The following FAM222B variants were observed in gnomAD, a reference collection of about 807,000 sequenced individuals.
The protein encoded by FAM222B is protein FAM222B.
FAM222B carries 12 observed loss-of-function variants against 38.0 expected under a neutral mutation model. That is an observed-to-expected ratio of 0.32 (90% CI 0.20 to 0.51). The LOEUF (loss-of-function observed/expected upper bound fraction) is 0.51. Among genes scored for constraint, FAM222B ranks in the 20% least tolerant of loss-of-function variants. FAM222B has a pLI of 0.97. For synonymous variants in FAM222B, 329 were observed against 317.2 expected (o/e 1.04, Z -0.40); for missense variants, 716 against 754.2 (o/e 0.95, Z 0.59).
At chr17:28,832,670 A>T (rs968626978) in intron 1 of FAM222B, among the ~76,000 whole-genome samples, 2 of 152,182 alleles carry the variant, frequency 1.3e-5, no homozygotes, top group African/African-American at 4.8e-5. Flanking sequence ...TGTTTCTCCC[A>T]TCAGGACATA....
chr17:28,854,274 A>T (rs2039207883), intron 1 of FAM222B, among the ~76,000 whole-genome samples: 1 of 152,218 alleles, frequency 6.6e-6, no homozygotes, highest in Non-Finnish European at 1.5e-5. Context: ...TAGAGGCTAC[A>T]AAGGATGAAG....
chr17:28,795,173 G>A (rs2036881096), intron 1 of FAM222B, among the ~76,000 whole-genome samples: 1 of 150,864 alleles, frequency 6.6e-6, no homozygotes, highest in Admixed American at 6.6e-5. Context: ...TTTTCTTTTT[G>A]AGACAGTCCT....
At chr17:28,790,731 G>A (rs2036621978) in intron 1 of FAM222B, among the ~76,000 whole-genome samples, 2 of 152,004 alleles carry the variant, frequency 1.3e-5, no homozygotes, top group African/African-American at 4.8e-5. Context: ...CAGTTGTATT[G>A]TGGTAAAGTT....
At chr17:28,774,856 C>A (rs1191596140) in intron 1 of FAM222B, among the ~76,000 whole-genome samples, 1 of 151,660 alleles carries the variant, frequency 6.6e-6, no homozygotes, top group Non-Finnish European at 1.5e-5. Context: ...GCAAGAGAAT[C>A]GCTTGAACTC....
chr17:28,758,181 G>A lies in FAM222B; in HGVS notation c.*89C>T. The A allele has an allele frequency of 8.8e-7, 1 of 1,141,922 alleles. No homozygotes were observed. The highest frequency in any genetic ancestry group is 2.4e-5 in the East Asian group (1 of 41,494). The allele number at this position is 1,141,922 out of a possible 1,614,324, so 70.7% of individuals were successfully genotyped here. On this transcript the variant is annotated 3_prime_UTR_variant, in exon 3 of 3. Transcript: ENST00000581407. ...ATCTAAGAATGATCACACTGGAGCAGTGAAACTTTGAAACTATCCAGTTAC... is the reference window on the plus strand; with the variant it reads ...ATCTAAGAATGATCACACTGGAGCAATGAAACTTTGAAACTATCCAGTTAC...
intron 1 of FAM222B, among the ~76,000 whole-genome samples, chr17:28,797,447 A>C (rs1321471791): frequency 6.6e-6 from 1 of 152,228 alleles, no homozygotes; most frequent in Admixed American, 6.5e-5. Flanking sequence ...TTTTAAGTGA[A>C]CATAAAGAAC....
chr17:28,789,096 A>G (rs1383299369), intron 1 of FAM222B, among the ~76,000 whole-genome samples: 1 of 151,176 alleles, frequency 6.6e-6, no homozygotes, highest in Non-Finnish European at 1.5e-5. Context: ...AAAAAAAAAA[A>G]AAAAAAACTA....
intron 1 of FAM222B, among the ~76,000 whole-genome samples, chr17:28,822,557 C>T (rs1436762113): frequency 1.3e-5 from 2 of 149,982 alleles, no homozygotes; most frequent in Non-Finnish European, 3.0e-5. Flanking sequence ...ACCCGGGAGG[C>T]GGAGGTTGGA....
At chr17:28,832,373 A>G (rs2038698620) in intron 1 of FAM222B, among the ~76,000 whole-genome samples, 1 of 152,250 alleles carries the variant, frequency 6.6e-6, no homozygotes. Flanking sequence ...ATTATTGTTT[A>G]GTACAACAGA....
At chr17:28,766,838 T>C (rs971615234) in intron 1 of FAM222B, 131 bp from the exon 2 acceptor site, 2 of 581,038 alleles carry the variant, frequency 3.4e-6, no homozygotes, top group Non-Finnish European at 6.2e-6. Flanking sequence ...AGTGTGTTGG[T>C]TGAAAGTATA....
chr17:28,803,375 A>G (rs1024221118), intron 1 of FAM222B, among the ~76,000 whole-genome samples: 4 of 151,958 alleles, frequency 2.6e-5, no homozygotes, highest in African/African-American at 9.7e-5. Flanking sequence ...TTGGGATAGC[A>G]GCTCACTGCA....
chr17:28,766,122 A>G (rs1416730658), intron 2 of FAM222B, among the ~76,000 whole-genome samples: 1 of 152,162 alleles, frequency 6.6e-6, no homozygotes. Flanking sequence ...ATCAGCAACA[A>G]TTAAAATTGA....
rs2034737521 is a variant in FAM222B at position 28,757,118 on chromosome 17, C to G, written c.*1152G>C. ...AAGAATGGACAGAGGGCAGGAGGGG[C>G]TTGTTTCCAATGTAGGCCCAGCTCC... is the stretch of plus-strand genomic sequence containing the variant. On this transcript the variant is annotated 3_prime_UTR_variant, in exon 3 of 3. Transcript: ENST00000581407. 1 of 152,568 alleles carries G rather than the reference C, an allele frequency of 6.6e-6. No homozygotes were observed. Among genetic ancestry groups the G allele is most frequent in the Non-Finnish European group, 1.5e-5 (1 of 68,034 alleles). The allele number at this position is 152,568 out of a possible 1,614,324, so 9.5% of individuals were successfully genotyped here.
At chr17:28,772,956 T>C (rs1056430101) in intron 1 of FAM222B, among the ~76,000 whole-genome samples, 1 of 152,074 alleles carries the variant, frequency 6.6e-6, no homozygotes, top group Non-Finnish European at 1.5e-5. Flanking sequence ...AATTTATTGA[T>C]AGCAAACAAA....
rs371494924 is a variant in FAM222B at position 28,815,779 on chromosome 17, A to G, written c.-41+26903T>C. Among the ~76,000 whole-genome samples, 24 of 152,192 alleles carry G rather than the reference A, an allele frequency of 1.6e-4. 1 individual carries two copies. In the East Asian group the frequency reaches 4.1e-3, roughly 26 times the overall value. ...GGAGATTGAGATCAGCCTGGCCAAT[A>G]TGGTAAAACCCTGTCTCTACTAAAA... On this transcript the variant is annotated intron_variant, in intron 1 of 2. Transcript: ENST00000581407.
At chr17:28,771,148 T>C (rs900177664) in intron 1 of FAM222B, among the ~76,000 whole-genome samples, 4 of 151,904 alleles carry the variant, frequency 2.6e-5, no homozygotes, top group Admixed American at 6.6e-5. Context: ...GAAGGCTTTA[T>C]AAAAGAACAG....
At chr17:28,835,063 T>A (rs1025681919) in intron 1 of FAM222B, among the ~76,000 whole-genome samples, 1 of 132,132 alleles carries the variant, frequency 7.6e-6, no homozygotes, top group African/African-American at 2.8e-5. Context: ...TGTGTGTGTG[T>A]GTGATGGAGT....
rs2034847317 is a variant in FAM222B, at chr17:28,758,589, A to G, written c.1370T>C (p.Ile457Thr). 6.2e-7 allele frequency: 1 copy of G among 1,610,772 alleles called. No individual in the cohort carries two copies. Reference sequence around the variant, plus strand: ...GCTGTCGCTATTGGGAGTGGGCAGAATGTTGTTCCACAGGGGTTGGAAGTA... The same window carrying G: ...GCTGTCGCTATTGGGAGTGGGCAGAGTGTTGTTCCACAGGGGTTGGAAGTA... Reference protein sequence around the residue: ...GHYFQPLWNNILPTPNSDSSG... With the variant: ...GHYFQPLWNNTLPTPNSDSSG... The change falls in exon 3 of 3, where the codon ATT becomes ACT. Residue 457 changes from isoleucine to threonine, a missense_variant. Physicochemically the swap from Ile to Thr is moderately conservative, Grantham distance 89. Coordinates refer to ENST00000581407, the MANE Select transcript of FAM222B (RefSeq NM_001077498.3).
upstream of FAM222B, among the ~76,000 whole-genome samples, chr17:28,846,024 A>G (rs2152635803): frequency 6.6e-6 from 1 of 151,044 alleles, no homozygotes; most frequent in South Asian, 2.1e-4. Flanking sequence ...TAACACGGTG[A>G]AACCCCGTCT....
Sources: gnomAD v4.1 joint callset for allele counts (sites outside exome capture counted in the v4.1 genomes callset) on GRCh38, gnomAD v4.1.1 for gene constraint, MANE v1.5 for transcripts, NCBI Gene and HGNC (gene_info 2026-07-23, HGNC 2026-07-21) for gene names.